GPAT3: variants seen among roughly 807,000 people sequenced by gnomAD.
GPAT3 encodes 1-AGP acyltransferase 9.
A neutral mutation model predicts 58.8 loss-of-function variants in GPAT3; 53 were observed. The ratio of observed to expected loss-of-function variants is 0.90; its 90% CI spans 0.72 to 1.13. The LOEUF is 1.13. Ranked by LOEUF, GPAT3 falls within the 50% of genes most tolerant of loss-of-function variation. The pLI is 0.00. For missense variants in GPAT3, 511 were observed against 527.6 expected, an observed-to-expected ratio of 0.97 and a Z score of 0.31; for synonymous variants, 197 against 187.4, an observed-to-expected ratio of 1.05 and a Z score of -0.42.
chr4:83,553,470 T>G (rs1454359741), intron 2 of GPAT3, among the ~76,000 whole-genome samples: 2 of 152,230 alleles, frequency 1.3e-5, no homozygotes, highest in Admixed American at 6.5e-5. Flanking sequence ...AAATTTTCTG[T>G]CTCTAGCACT....
chr4:83,597,994 G>A lies in GPAT3; in HGVS notation c.997-57G>A, dbSNP rs1726908604. On this transcript the variant is annotated intron_variant, in intron 9 of 11. Transcript: ENST00000264409. ...TGGCCTACCACCTTTAAAACATTGG[G>A]CACGGATGAGAAACCACCCTTATTT... 4 of 1,598,464 alleles carry A rather than the reference G, an allele frequency of 2.5e-6. No individual in the cohort carries two copies. In the Admixed American group the frequency reaches 5.1e-5, roughly 20 times the overall value.
At chr4:83,582,795 T>G (rs1157322903) in intron 3 of GPAT3, among the ~76,000 whole-genome samples, 1 of 152,116 alleles carries the variant, frequency 6.6e-6, no homozygotes, top group Non-Finnish European at 1.5e-5. Context: ...TGTTTTTTTT[T>G]GCCCATATTG....
intron 2 of GPAT3, among the ~76,000 whole-genome samples, chr4:83,570,723 T>C (rs895404402): frequency 1.3e-5 from 2 of 152,178 alleles, no homozygotes; most frequent in Non-Finnish European, 2.9e-5. Context: ...TCCACCCGCC[T>C]TGGCCTCCCA....
At chr4:83,581,511 C>A in intron 2 of GPAT3, 51 bp from the exon 3 acceptor site, 3 of 1,562,610 alleles carry the variant, frequency 1.9e-6, no homozygotes, top group South Asian at 2.4e-5. Flanking sequence ...CCCTTTTGGT[C>A]AATTCTTCTG....
intron 6 of GPAT3, 152 bp from the exon 7 acceptor site, chr4:83,594,693 G>C: frequency 1.7e-6 from 1 of 575,904 alleles, no homozygotes; most frequent in South Asian, 2.4e-5. Context: ...CTTACATTTG[G>C]CCTTTCAGAC....
chr4:83,547,322 G>A (rs1017657222), intron 2 of GPAT3, among the ~76,000 whole-genome samples: 5 of 141,888 alleles, frequency 3.5e-5, no homozygotes, highest in Admixed American at 7.6e-5. Context: ...GCGGGATCTC[G>A]GCTCACTGCA....
At chr4:83,541,185 C>T (rs1054671337) in intron 1 of GPAT3, among the ~76,000 whole-genome samples, 2 of 152,044 alleles carry the variant, frequency 1.3e-5, no homozygotes, top group African/African-American at 4.8e-5. Context: ...AGTGCAAATT[C>T]CCTTAGGCAC....
intron 3 of GPAT3, among the ~76,000 whole-genome samples, chr4:83,583,667 G>GGA (rs1553947553): frequency 8.5e-5 from 2 of 23,462 alleles, no homozygotes; most frequent in African/African-American, 3.8e-4. Flanking sequence ...ACTCTTGTCT[G>GGA]AAAAAAAAAA....
In GPAT3 at chr4:83,547,753, T is replaced by C. The variant is rs374176789; in HGVS notation, c.208+3151T>C. Among the ~76,000 whole-genome samples the C allele has an allele frequency of 2.1e-4, 32 of 152,340 alleles. No homozygotes were observed. The East Asian group carries it at 3.5e-3, about 17-fold the overall frequency. On this transcript the variant is annotated intron_variant, in intron 2 of 11. Coordinates refer to ENST00000264409, the MANE Select transcript of GPAT3 (RefSeq NM_032717.5). Reference sequence around the variant, plus strand: ...TTTAGCCATATTCTGCTGTGTCTTTTATTTAAAAGCTATTTAATTTGTTGA... The same window carrying C: ...TTTAGCCATATTCTGCTGTGTCTTTCATTTAAAAGCTATTTAATTTGTTGA...
intron 2 of GPAT3, among the ~76,000 whole-genome samples, chr4:83,580,025 T>A (rs893564075): frequency 7.2e-5 from 11 of 152,226 alleles, no homozygotes; most frequent in African/African-American, 2.2e-4. Flanking sequence ...TTCTTTGTAG[T>A]CTAATGTCAG....
chr4:83,593,183 T>A (rs1726674760), intron 6 of GPAT3, among the ~76,000 whole-genome samples: 2 of 140,896 alleles, frequency 1.4e-5, no homozygotes, highest in Admixed American at 7.2e-5. Context: ...TTTTTTTTTT[T>A]AAACATAGTC....
intron 2 of GPAT3, among the ~76,000 whole-genome samples, chr4:83,559,749 C>T (rs1725064137): frequency 6.6e-6 from 1 of 152,136 alleles, no homozygotes; most frequent in Non-Finnish European, 1.5e-5. Context: ...TTTTCTCTGT[C>T]CTCTCACCGA....
At chr4:83,546,810 T>A (rs1390365900) in intron 2 of GPAT3, among the ~76,000 whole-genome samples, 1 of 152,160 alleles carries the variant, frequency 6.6e-6, no homozygotes, top group Non-Finnish European at 1.5e-5. Flanking sequence ...TAATTTCGGC[T>A]CTGATATGTA....
At chr4:83,549,826 G>A (rs1724687326) in intron 2 of GPAT3, among the ~76,000 whole-genome samples, 1 of 151,814 alleles carries the variant, frequency 6.6e-6, no homozygotes, top group Non-Finnish European at 1.5e-5. Context: ...GGGTTCAAGA[G>A]ATTCTCCCAC....
intron 4 of GPAT3, 63 bp from the exon 5 acceptor site, chr4:83,588,147 T>C (rs1323035352): frequency 1.0e-5 from 15 of 1,446,540 alleles, no homozygotes; most frequent in Non-Finnish European, 1.5e-5. Context: ...CATTAAAACC[T>C]TTATTATATT....
At chr4:83,535,891 T>G (rs1724057906), upstream of GPAT3, 13 of 985,388 alleles carry the variant, frequency 1.3e-5, no homozygotes, top group Non-Finnish European at 1.4e-5. Context: ...ATTCTGCGGG[T>G]GAAGAAAATA....
In GPAT3 at chr4:83,597,418, A is replaced by AC. The variant is rs766461996; in HGVS notation, c.911-7dup. On this transcript the variant is annotated splice_polypyrimidine_tract_variant and intron_variant, in intron 8 of 11. Coordinates refer to ENST00000264409, the MANE Select transcript of GPAT3 (RefSeq NM_032717.5). ...TAAAAATATTCACGCTCCTACCCTC[A>AC]CCCCCTTGCAGGAACTTGCATCAAC... 1.3e-6 allele frequency: 2 copies of AC among 1,492,186 alleles called. No homozygotes were observed. The highest frequency in any genetic ancestry group is 1.8e-6 in the Non-Finnish European group (2 of 1,110,154). 92.4% of individuals were successfully genotyped at this position (1,492,186 alleles called of 1,614,324 possible). A position where few individuals can be genotyped will look rare whatever the true frequency, so the allele number is the denominator to read the frequency against.
rs1461090913 is a variant in GPAT3, at chr4:83,549,271, A to G, written c.208+4669A>G. The stretch of plus-strand genomic sequence containing the variant: ...TAGCTAACTTGATTTTATGGTGTAA[A>G]CTCTGTGAATACAAACCAGTATGTG... On this transcript the variant is annotated intron_variant, in intron 2 of 11. Coordinates refer to ENST00000264409, the MANE Select transcript of GPAT3 (RefSeq NM_032717.5). Among the ~76,000 whole-genome samples, 7 of 151,992 alleles carry G rather than the reference A, an allele frequency of 4.6e-5. No individual in the cohort carries two copies. The South Asian group carries it at 1.5e-3, about 32-fold the overall frequency.
chr4:83,584,181 A>G (rs1726279789), intron 3 of GPAT3, among the ~76,000 whole-genome samples: 1 of 152,224 alleles, frequency 6.6e-6, no homozygotes, highest in South Asian at 2.1e-4. Context: ...TACTAAACAA[A>G]TGCTCACAAA....
Sources: allele counts gnomAD v4.1 joint callset (sites outside exome capture counted in the v4.1 genomes callset), GRCh38; gene constraint gnomAD v4.1.1; transcripts MANE v1.5; gene names NCBI Gene and HGNC (gene_info 2026-07-23, HGNC 2026-07-21).